The following SSBP2 variants were observed in gnomAD, a reference collection of about 807,000 sequenced individuals.
SSBP2 encodes single-stranded DNA-binding protein 2.
A neutral mutation model predicts 61.8 loss-of-function variants in SSBP2; 17 were observed. That is an observed-to-expected ratio of 0.28 (90% confidence interval 0.19 to 0.41). The LOEUF (loss-of-function observed/expected upper bound fraction) is 0.41, where lower values mean the gene tolerates loss of function less well. Among genes scored for constraint, SSBP2 ranks in the 10% least tolerant of loss-of-function variants. SSBP2 has a pLI of 1.00. For synonymous variants in SSBP2, 139 were observed against 141.3 expected (o/e 0.98, Z 0.12); for missense variants, 310 against 458.7 (o/e 0.68, Z 2.96).
intron 8 of SSBP2, among the ~76,000 whole-genome samples, chr5:81,469,980 T>C (rs1765142888): frequency 6.6e-6 from 1 of 151,912 alleles, no homozygotes; most frequent in Non-Finnish European, 1.5e-5. Flanking sequence ...GGTTGGGAAA[T>C]TTAATTTCTA....
intron 16 of SSBP2, among the ~76,000 whole-genome samples, 196 bp downstream of exon 16, chr5:81,428,389 A>C (rs1396294547): frequency 6.6e-6 from 1 of 152,200 alleles, no homozygotes; most frequent in East Asian, 1.9e-4. Flanking sequence ...TTTTCTAACT[A>C]TGTACACAGA....
chr5:81,440,318 C>T (rs1762950295), intron 14 of SSBP2, among the ~76,000 whole-genome samples: 1 of 152,126 alleles, frequency 6.6e-6, no homozygotes, highest in Admixed American at 6.5e-5. Flanking sequence ...CATGAGATTT[C>T]TATAGGTTAA....
chr5:81,702,442 C>T (rs1176915398), intron 1 of SSBP2, among the ~76,000 whole-genome samples: 2 of 152,114 alleles, frequency 1.3e-5, no homozygotes, highest in Non-Finnish European at 2.9e-5. Flanking sequence ...ATAGAATCTG[C>T]CTACTACTCA....
At chr5:81,578,410 C>T (rs28404639) in intron 4 of SSBP2, among the ~76,000 whole-genome samples, 57,564 of 151,526 alleles carry the variant, frequency 0.38, 11,493 homozygotes, top group African/African-American at 0.5. Flanking sequence ...TGACCTATTA[C>T]GTTAATTAGG....
chr5:81,661,254 G>A (rs1457301017), intron 1 of SSBP2, among the ~76,000 whole-genome samples: 1 of 152,050 alleles, frequency 6.6e-6, no homozygotes, highest in Non-Finnish European at 1.5e-5. Context: ...TCCTTCATCT[G>A]TTGATGGACA....
chr5:81,672,698 T>G (rs564178820), intron 1 of SSBP2, among the ~76,000 whole-genome samples: 463 of 151,910 alleles, frequency 3.0e-3, no homozygotes, highest in Non-Finnish European at 5.3e-3. Flanking sequence ...CGGCATCCTG[T>G]GTAGCTGGGA....
chr5:81,418,271 G>A lies in SSBP2; in HGVS notation c.*2233C>T, dbSNP rs1423187177. ...CCTTTTCATCTGAATTTGCATGAAA[G>A]GTTTCTGCAGCTTGACAGCATGAGG... On this transcript the variant is annotated 3_prime_UTR_variant, in exon 17 of 17. Transcript: ENST00000320672. 6.6e-6 allele frequency: 1 copy of A among 152,216 alleles called. No homozygotes were observed. Among genetic ancestry groups the A allele is most frequent in the Non-Finnish European group, 1.5e-5 (1 of 68,048 alleles). The allele number at this position is 152,216 out of a possible 1,614,324, so 9.4% of individuals were successfully genotyped here. A position where few individuals can be genotyped will look rare whatever the true frequency, so the allele number is the denominator to read the frequency against.
intron 1 of SSBP2, among the ~76,000 whole-genome samples, chr5:81,739,230 C>T (rs887745750): frequency 2.1e-5 from 3 of 144,966 alleles, no homozygotes; most frequent in African/African-American, 5.1e-5. Flanking sequence ...TCATTTAAGG[C>T]TGTTCTTGAA....
At chr5:81,659,784 T>C (rs1004027939) in intron 1 of SSBP2, among the ~76,000 whole-genome samples, 6 of 152,062 alleles carry the variant, frequency 3.9e-5, no homozygotes, top group African/African-American at 1.4e-4. Context: ...CGCTATAGTA[T>C]AGCAAAACGG....
intron 1 of SSBP2, among the ~76,000 whole-genome samples, chr5:81,738,603 C>A (rs1425287030): frequency 6.6e-6 from 1 of 152,138 alleles, no homozygotes; most frequent in African/African-American, 2.4e-5. Context: ...CTCCTGTATC[C>A]CAAAGTCTGT....
intron 3 of SSBP2, among the ~76,000 whole-genome samples, chr5:81,633,187 C>T (rs1747896802): frequency 7.1e-6 from 1 of 140,486 alleles, no homozygotes; most frequent in Admixed American, 7.9e-5. Flanking sequence ...ATGATCTCAG[C>T]TCACTGTAAC....
At chr5:81,506,835 A>G (rs1768217593) in intron 5 of SSBP2, among the ~76,000 whole-genome samples, 1 of 152,078 alleles carries the variant, frequency 6.6e-6, no homozygotes, top group Non-Finnish European at 1.5e-5. Flanking sequence ...ATAAAACCAT[A>G]TATTATTGGT....
intron 1 of SSBP2, among the ~76,000 whole-genome samples, chr5:81,657,184 T>A (rs1267050940): frequency 6.6e-6 from 1 of 152,186 alleles, no homozygotes; most frequent in Non-Finnish European, 1.5e-5. Context: ...AATAAAAAAT[T>A]AAATACTAAA....
At chr5:81,710,315 A>G (rs1446222147) in intron 1 of SSBP2, among the ~76,000 whole-genome samples, 1 of 152,098 alleles carries the variant, frequency 6.6e-6, no homozygotes, top group Non-Finnish European at 1.5e-5. Flanking sequence ...CTGATGTTCT[A>G]TCCTAATATA....
intron 4 of SSBP2, among the ~76,000 whole-genome samples, chr5:81,601,488 G>A (rs1316554617): frequency 2.0e-5 from 3 of 152,098 alleles, no homozygotes; most frequent in East Asian, 1.9e-4. Flanking sequence ...AGATTATATC[G>A]AGGTCAATAT....
chr5:81,492,866 C>A (rs1766963132), intron 5 of SSBP2, among the ~76,000 whole-genome samples: 1 of 151,902 alleles, frequency 6.6e-6, no homozygotes. Context: ...AAATAAGGAA[C>A]CAATGATTCT....
intron 4 of SSBP2, among the ~76,000 whole-genome samples, chr5:81,540,794 CA>C (rs1771206362): frequency 6.6e-6 from 1 of 152,068 alleles, no homozygotes; most frequent in Admixed American, 6.6e-5. Flanking sequence ...GCTCTGAAAC[CA>C]AACTGCAGTA....
intron 14 of SSBP2, among the ~76,000 whole-genome samples, chr5:81,439,508 CT>C (rs71000833): frequency 3.9e-4 from 56 of 143,264 alleles, no homozygotes; most frequent in Admixed American, 6.3e-4. Context: ...TTTTCTTTTT[CT>C]TTTTTTTTTT....
intron 6 of SSBP2, among the ~76,000 whole-genome samples, chr5:81,487,236 T>C (rs918702264): frequency 6.6e-6 from 1 of 152,216 alleles, no homozygotes; most frequent in Non-Finnish European, 1.5e-5. Flanking sequence ...GTGTTAAGCA[T>C]TTAATTTCTT....
Sources: gnomAD v4.1 joint callset for allele counts (sites outside exome capture counted in the v4.1 genomes callset) on GRCh38, gnomAD v4.1.1 for gene constraint, MANE v1.5 for transcripts, NCBI Gene and HGNC (gene_info 2026-07-23, HGNC 2026-07-21) for gene names.